MCTP1: variants seen among roughly 807,000 people sequenced by gnomAD.
MCTP1 encodes multiple C2 and transmembrane domain containing 1.
In MCTP1, 69 loss-of-function variants were observed where a neutral mutation model predicts 120.6. That is an observed-to-expected ratio of 0.57 (90% CI 0.47 to 0.70). The LOEUF (loss-of-function observed/expected upper bound fraction) is 0.70. MCTP1 is among the 30% of genes least tolerant of loss of function. The probability of loss-of-function intolerance (pLI) is 0.00; values close to 1 mark genes in which losing one functional copy is unlikely to be tolerated. For synonymous variants in MCTP1, 529 were observed against 493.1 expected (o/e 1.07, Z -0.96); for missense variants, 1,203 against 1,248.8 (o/e 0.96, Z 0.55).
intron 1 of MCTP1, among the ~76,000 whole-genome samples, chr5:95,109,805 T>G (rs1056374264): frequency 6.6e-6 from 1 of 152,204 alleles, no homozygotes. Context: ...ATATCAATAC[T>G]TCATCAGCTC....
chr5:95,014,672 T>C (rs1836732081), intron 2 of MCTP1, among the ~76,000 whole-genome samples: 1 of 152,128 alleles, frequency 6.6e-6, no homozygotes, highest in African/African-American at 2.4e-5. Context: ...CAGTATTATA[T>C]TAAATTATTT....
At chr5:94,993,662 A>C (rs2153621332) in intron 2 of MCTP1, among the ~76,000 whole-genome samples, 1 of 152,284 alleles carries the variant, frequency 6.6e-6, no homozygotes, top group Non-Finnish European at 1.5e-5. Context: ...ACCCACTGTA[A>C]ATGCAGCTGC....
At chr5:94,750,593 T>C (rs576347757) in intron 19 of MCTP1, among the ~76,000 whole-genome samples, 36 of 152,310 alleles carry the variant, frequency 2.4e-4, no homozygotes, top group Non-Finnish European at 3.1e-4. Flanking sequence ...ACATGGTGAC[T>C]GGCAGTATTT....
chr5:94,821,719 A>C (rs143962236), intron 17 of MCTP1, among the ~76,000 whole-genome samples: 2 of 152,314 alleles, frequency 1.3e-5, no homozygotes, highest in East Asian at 3.9e-4. Flanking sequence ...CCTCTGATAC[A>C]AAAACCTATA....
intron 3 of MCTP1, among the ~76,000 whole-genome samples, chr5:94,943,897 CT>C (rs1818324887): frequency 6.6e-6 from 1 of 152,018 alleles, no homozygotes; most frequent in African/African-American, 2.4e-5. Context: ...TAAATCTGCT[CT>C]TGAATGGATG....
In MCTP1 at chr5:94,962,132, A is replaced by AAT. The variant is rs397722947; in HGVS notation, c.839-8772_839-8771insAT. Among the ~76,000 whole-genome samples, 7 of 136,098 alleles carry AAT rather than the reference A, an allele frequency of 5.1e-5. No homozygotes were observed. In the South Asian group the frequency reaches 1.5e-3, roughly 28 times the overall value. 89.3% of individuals were successfully genotyped at this position (136,098 alleles called of 152,430 possible). A position where few individuals can be genotyped will look rare whatever the true frequency, so the allele number is the denominator to read the frequency against. On this transcript the variant is annotated intron_variant, in intron 2 of 22. Transcript: ENST00000515393. ...CTGCGCAAATGGCTATAATAATAATAAAAAAAAAGAAATAGATGTTGGTGT... is the reference window on the plus strand; with the variant it reads ...CTGCGCAAATGGCTATAATAATAATAATAAAAAAAAGAAATAGATGTTGGTGT...
chr5:94,993,759 C>G (rs184811720), intron 2 of MCTP1, among the ~76,000 whole-genome samples: 1 of 152,240 alleles, frequency 6.6e-6, no homozygotes, highest in Non-Finnish European at 1.5e-5. Context: ...GATCTAGAAA[C>G]TTTGTGTTTG....
chr5:94,958,216 C>T (rs1269380223), intron 2 of MCTP1, among the ~76,000 whole-genome samples: 2 of 152,062 alleles, frequency 1.3e-5, no homozygotes, highest in Non-Finnish European at 2.9e-5. Flanking sequence ...TTCTTTGAAA[C>T]CAATGAGAAC....
intron 2 of MCTP1, among the ~76,000 whole-genome samples, chr5:95,001,634 C>A (rs1010330686): frequency 6.6e-6 from 1 of 152,152 alleles, no homozygotes; most frequent in African/African-American, 2.4e-5. Flanking sequence ...TTTGCCCCTG[C>A]CCTTGAGATC....
chr5:95,137,440 A>G (rs564146773), intron 1 of MCTP1, among the ~76,000 whole-genome samples: 22 of 152,252 alleles, frequency 1.4e-4, no homozygotes, highest in Non-Finnish European at 2.9e-4. Flanking sequence ...TAAGTGCTCA[A>G]TACATATCAT....
intron 1 of MCTP1, among the ~76,000 whole-genome samples, chr5:95,240,895 T>TTC (rs141005060): frequency 6.6e-6 from 1 of 151,544 alleles, no homozygotes; most frequent in Non-Finnish European, 1.5e-5. Flanking sequence ...TTTTGTTGTC[T>TTC]TCTCTCTCTC....
chr5:95,170,624 T>A (rs1260985416), intron 1 of MCTP1, among the ~76,000 whole-genome samples: 2 of 152,224 alleles, frequency 1.3e-5, no homozygotes, highest in Non-Finnish European at 2.9e-5. Flanking sequence ...TTTAGGATAG[T>A]TAGCTCTTCT....
chr5:95,191,373 T>G (rs1749812872), intron 1 of MCTP1, among the ~76,000 whole-genome samples: 1 of 152,018 alleles, frequency 6.6e-6, no homozygotes, highest in African/African-American at 2.4e-5. Context: ...CCCCTAGGTT[T>G]CAAACAGAAA....
At chr5:94,925,663 C>A (rs1294674905) in intron 6 of MCTP1, among the ~76,000 whole-genome samples, 1 of 152,182 alleles carries the variant, frequency 6.6e-6, no homozygotes, top group East Asian at 1.9e-4. Context: ...CCCGCCTAGG[C>A]CTGCCAAAGT....
intron 6 of MCTP1, 50 bp from the exon 7 acceptor site, chr5:94,924,071 A>G: frequency 9.1e-7 from 1 of 1,097,140 alleles, no homozygotes; most frequent in Non-Finnish European, 1.3e-6. Flanking sequence ...TTTGAGAATA[A>G]TTAATATTGT....
intron 1 of MCTP1, among the ~76,000 whole-genome samples, chr5:95,244,837 G>A (rs1474930839): frequency 6.6e-6 from 1 of 152,154 alleles, no homozygotes; most frequent in Non-Finnish European, 1.5e-5. Flanking sequence ...GAGAGCAGAG[G>A]TTCTCTCAGC....
At chr5:95,063,053 A>C (rs1179297671) in intron 1 of MCTP1, among the ~76,000 whole-genome samples, 1 of 152,118 alleles carries the variant, frequency 6.6e-6, no homozygotes, top group Non-Finnish European at 1.5e-5. Flanking sequence ...CCTGTGTTCA[A>C]GCGATCCTCC....
In MCTP1 at chr5:94,706,858, A is replaced by G. The variant is rs1289605630; in HGVS notation, c.*638T>C. On this transcript the variant is annotated 3_prime_UTR_variant, in exon 23 of 23. Transcript: ENST00000515393. ...TGATTGATTGAAATTCTATAAAGAA[A>G]ACTTTGTAACCTTCTGAGTATTGAT... 4 of 151,882 alleles carry G rather than the reference A, an allele frequency of 2.6e-5. No individual in the cohort carries two copies. Among genetic ancestry groups the G allele is most frequent in the African/African-American group, 9.7e-5 (4 of 41,400 alleles). The allele number at this position is 151,882 out of a possible 1,614,324, so 9.4% of individuals were successfully genotyped here.
chr5:94,715,597 C>T (rs1323958932), intron 19 of MCTP1, among the ~76,000 whole-genome samples: 1 of 152,088 alleles, frequency 6.6e-6, no homozygotes, highest in African/African-American at 2.4e-5. Context: ...TGGTGTGCTC[C>T]AGGTAATGGA....
Sources: allele counts gnomAD v4.1 joint callset (sites outside exome capture counted in the v4.1 genomes callset), GRCh38; gene constraint gnomAD v4.1.1; transcripts MANE v1.5; gene names NCBI Gene and HGNC (gene_info 2026-07-23, HGNC 2026-07-21).